The following TENM4 variants were observed in gnomAD, a reference collection of about 807,000 sequenced individuals.
TENM4 encodes teneurin transmembrane protein 4.
TENM4 carries 82 observed loss-of-function variants against 243.3 expected under a neutral mutation model. The observed-to-expected ratio is 0.34, with a 90% CI of 0.28 to 0.40. The LOEUF is 0.40. Ranked by LOEUF, TENM4 falls within the 10% of genes least tolerant of loss-of-function variation. The pLI is 1.00. For missense variants in TENM4, 3,138 were observed against 3,673.3 expected (o/e 0.85, Z 3.77); for synonymous variants, 1,412 against 1,456.3 (o/e 0.97, Z 0.69).
intron 6 of TENM4, among the ~76,000 whole-genome samples, chr11:78,928,788 C>A (rs749180112): frequency 6.6e-6 from 1 of 152,136 alleles, no homozygotes; most frequent in African/African-American, 2.4e-5. Context: ...TTTAAAGTGA[C>A]ATGGACCTGG....
In TENM4 at chr11:78,984,082, T is replaced by C. The variant is rs1046153066; in HGVS notation, c.494-80559A>G. Among the ~76,000 whole-genome samples the C allele has an allele frequency of 4.6e-5, 7 of 152,162 alleles. No individual in the cohort carries two copies. The South Asian group carries it at 8.3e-4, about 18-fold the overall frequency. On this transcript the variant is annotated intron_variant, in intron 6 of 33. Transcript: ENST00000278550. ...TCTGGCTTTCTCTGGGCCACCAGTT[T>C]CTTCTCTGAAAAATGAGGGAAGCAG... is the stretch of plus-strand genomic sequence containing the variant.
chr11:78,708,961 TTTTC>T (rs201224187), intron 26 of TENM4, among the ~76,000 whole-genome samples: 14 of 128,080 alleles, frequency 1.1e-4, no homozygotes, highest in Middle Eastern at 7.8e-3. Context: ...TTTTCTTTCT[TTTTC>T]TTTCTTTTTT....
intron 1 of TENM4, among the ~76,000 whole-genome samples, chr11:79,367,927 T>G (rs1289797835): frequency 6.6e-6 from 1 of 152,202 alleles, no homozygotes; most frequent in Non-Finnish European, 1.5e-5. Context: ...TGTGTCAGAT[T>G]AATAGCAATA....
intron 6 of TENM4, among the ~76,000 whole-genome samples, chr11:78,904,175 A>G (rs1045302183): frequency 1.3e-5 from 2 of 152,010 alleles, no homozygotes; most frequent in African/African-American, 4.8e-5. Flanking sequence ...CCTGGCTAAC[A>G]TGGTGAAACC....
chr11:78,824,902 C>G (rs866071847), intron 12 of TENM4, among the ~76,000 whole-genome samples: 1 of 152,200 alleles, frequency 6.6e-6, no homozygotes, highest in Non-Finnish European at 1.5e-5. Flanking sequence ...AGAGTCAGGA[C>G]TACTGCAGAG....
At chr11:78,666,060 T>G (rs1011388440) in intron 32 of TENM4, among the ~76,000 whole-genome samples, 14 of 151,922 alleles carry the variant, frequency 9.2e-5, no homozygotes, top group Middle Eastern at 3.4e-3. Context: ...GAATTTTTTT[T>G]TTGTTGTTGT....
intron 2 of TENM4, among the ~76,000 whole-genome samples, chr11:79,241,893 T>C (rs770634343): frequency 2.0e-5 from 3 of 152,144 alleles, no homozygotes; most frequent in African/African-American, 4.8e-5. Flanking sequence ...TGGAGTCTTA[T>C]ATGGAAGGTG....
intron 2 of TENM4, among the ~76,000 whole-genome samples, chr11:79,225,108 G>C (rs752247920): frequency 6.6e-6 from 1 of 152,134 alleles, no homozygotes; most frequent in South Asian, 2.1e-4. Flanking sequence ...AGAGGAGCAC[G>C]GTCCTGCTGA....
intron 4 of TENM4, among the ~76,000 whole-genome samples, chr11:79,124,645 ATGTGTG>A (rs35642884): frequency 3.3e-4 from 44 of 133,850 alleles, no homozygotes; most frequent in South Asian, 2.7e-3. Flanking sequence ...ATATATATAT[ATGTGTG>A]TGTGTGTGTG....
At chr11:79,060,289 A>G (rs1474818078) in intron 6 of TENM4, among the ~76,000 whole-genome samples, 2 of 152,196 alleles carry the variant, frequency 1.3e-5, no homozygotes, top group African/African-American at 4.8e-5. Flanking sequence ...TTGTGTTTAC[A>G]TTACCCAGTC....
intron 4 of TENM4, among the ~76,000 whole-genome samples, chr11:79,120,058 C>T (rs1328858817): frequency 2.0e-5 from 3 of 152,208 alleles, no homozygotes; most frequent in African/African-American, 7.2e-5. Flanking sequence ...GGCTTTGAAG[C>T]CTTGGGAAGG....
chr11:79,315,322 G>T (rs114937740), intron 1 of TENM4, among the ~76,000 whole-genome samples: 2,783 of 152,278 alleles, frequency 0.018, 86 homozygotes, highest in African/African-American at 0.062. Flanking sequence ...GCTCCCAGAG[G>T]TTCACCGCTC....
At chr11:78,862,904 T>C (rs1481686491) in intron 10 of TENM4, 58 bp downstream of exon 10, 36 of 1,327,346 alleles carry the variant, frequency 2.7e-5, no homozygotes, top group African/African-American at 4.5e-5. Flanking sequence ...TATGGAGGGC[T>C]CTTCAGCTCA....
chr11:79,007,537 A>G (rs1228212183), intron 6 of TENM4, among the ~76,000 whole-genome samples: 1 of 151,996 alleles, frequency 6.6e-6, no homozygotes, highest in Non-Finnish European at 1.5e-5. Context: ...TGGACTCCTG[A>G]CCCATCCTTA....
intron 6 of TENM4, among the ~76,000 whole-genome samples, chr11:78,980,850 G>A (rs1857776730): frequency 6.6e-6 from 1 of 152,158 alleles, no homozygotes; most frequent in Non-Finnish European, 1.5e-5. Context: ...GCCAGGTATG[G>A]TGTTGATATA....
chr11:78,764,368 C>A (rs1417771233), intron 18 of TENM4, among the ~76,000 whole-genome samples: 1 of 152,220 alleles, frequency 6.6e-6, no homozygotes, highest in Non-Finnish European at 1.5e-5. Flanking sequence ...CCACAGTGGA[C>A]AACTCTTTAC....
intron 1 of TENM4, among the ~76,000 whole-genome samples, chr11:79,414,515 C>G (rs1021731412): frequency 2.0e-5 from 3 of 152,166 alleles, no homozygotes; most frequent in Non-Finnish European, 4.4e-5. Flanking sequence ...TAAAACATGC[C>G]AACTCAAACT....
chr11:79,328,695 A>C (rs916711668), intron 1 of TENM4, among the ~76,000 whole-genome samples: 28 of 152,208 alleles, frequency 1.8e-4, no homozygotes, highest in African/African-American at 6.3e-4. Context: ...ATCTTCTACA[A>C]CGTGCCCGCT....
At chr11:78,942,623 A>T (rs1156501756) in intron 6 of TENM4, among the ~76,000 whole-genome samples, 1 of 152,104 alleles carries the variant, frequency 6.6e-6, no homozygotes. Context: ...GCCCGTAGTC[A>T]TTCCTAAGTG....
Sources: allele counts gnomAD v4.1 joint callset (sites outside exome capture counted in the v4.1 genomes callset), GRCh38; gene constraint gnomAD v4.1.1; transcripts MANE v1.5; gene names NCBI Gene and HGNC (gene_info 2026-07-23, HGNC 2026-07-21).